UNC13C: variants seen among roughly 807,000 people sequenced by gnomAD.
UNC13C encodes protein unc-13 homolog C.
A neutral mutation model predicts 245.4 loss-of-function variants in UNC13C; 174 were observed. The ratio of observed to expected loss-of-function variants is 0.71; its 90% confidence interval spans 0.63 to 0.80. UNC13C has a LOEUF of 0.80. UNC13C is among the 30% of genes least tolerant of loss of function. The pLI is 0.00. For synonymous variants in UNC13C, 992 were observed against 895.1 expected, an observed-to-expected ratio of 1.11 and a Z score of -1.93; for missense variants, 2,829 against 2,602.9, an observed-to-expected ratio of 1.09 and a Z score of -1.89.
At chr15:54,416,681 C>T (rs1315856425) in intron 19 of UNC13C, among the ~76,000 whole-genome samples, 9 of 152,100 alleles carry the variant, frequency 5.9e-5, no homozygotes, top group East Asian at 1.9e-4. Context: ...GTTCACTACC[C>T]TAGGCCTATA....
intron 30 of UNC13C, among the ~76,000 whole-genome samples, chr15:54,595,471 G>T (rs1181902157): frequency 2.0e-5 from 3 of 152,108 alleles, no homozygotes; most frequent in Admixed American, 6.5e-5. Flanking sequence ...GGGGTCTGTG[G>T]TTCCTCTCAG....
intron 19 of UNC13C, among the ~76,000 whole-genome samples, chr15:54,457,451 G>T (rs1425597506): frequency 6.6e-6 from 1 of 152,052 alleles, no homozygotes; most frequent in Non-Finnish European, 1.5e-5. Context: ...GAGTGGGATT[G>T]GTACCCATTC....
At chr15:54,048,296 C>T (rs1468472328) in intron 2 of UNC13C, among the ~76,000 whole-genome samples, 3 of 152,182 alleles carry the variant, frequency 2.0e-5, no homozygotes, top group Non-Finnish European at 4.4e-5. Context: ...AGACCTTCTG[C>T]ATACTGCAAG....
intron 10 of UNC13C, among the ~76,000 whole-genome samples, chr15:54,273,110 T>A (rs1475797172): frequency 6.6e-6 from 1 of 152,156 alleles, no homozygotes; most frequent in African/African-American, 2.4e-5. Context: ...TCTGTCTCAG[T>A]CAGAGGAAAG....
At chr15:54,450,421 A>T (rs1215033296) in intron 19 of UNC13C, among the ~76,000 whole-genome samples, 2 of 152,208 alleles carry the variant, frequency 1.3e-5, no homozygotes, top group Non-Finnish European at 2.9e-5. Flanking sequence ...GGCTCCACCC[A>T]GTTCCAGCTT....
chr15:53,950,224 C>T, the UNC13C span, among the ~76,000 whole-genome samples: 1,730 of 152,178 alleles, frequency 0.011, 17 homozygotes, highest in Admixed American at 0.018. Context: ...TGGAACAAAC[C>T]TTATATTAAT....
At chr15:54,523,431 C>T (rs1895312083) in intron 24 of UNC13C, among the ~76,000 whole-genome samples, 1 of 152,200 alleles carries the variant, frequency 6.6e-6, no homozygotes, top group Admixed American at 6.5e-5. Flanking sequence ...GACATTCCGT[C>T]TGCACCTGCT....
At chr15:54,080,917 C>A (rs1463398436) in intron 2 of UNC13C, among the ~76,000 whole-genome samples, 2 of 145,614 alleles carry the variant, frequency 1.4e-5, no homozygotes, top group African/African-American at 2.5e-5. Context: ...AATTTGAGAA[C>A]TTTCTTTCTT....
the UNC13C span, among the ~76,000 whole-genome samples, chr15:53,877,405 G>A: frequency 6.6e-6 from 1 of 152,084 alleles, no homozygotes; most frequent in Non-Finnish European, 1.5e-5. Context: ...CCTAGTTCAG[G>A]GAGGTTTCTG....
At chr15:54,262,452 C>T (rs1417461715) in intron 8 of UNC13C, among the ~76,000 whole-genome samples, 1 of 152,166 alleles carries the variant, frequency 6.6e-6, no homozygotes, top group Non-Finnish European at 1.5e-5. Flanking sequence ...TGAATATTAA[C>T]TACTTGAATA....
At chr15:53,895,951 T>G in the UNC13C span, among the ~76,000 whole-genome samples, 5,450 of 148,320 alleles carry the variant, frequency 0.037, 340 homozygotes, top group African/African-American at 0.13. Flanking sequence ...GTCCAGTATA[T>G]TTTAACTTTA....
At chr15:54,482,352 C>T (rs564694573) in intron 19 of UNC13C, among the ~76,000 whole-genome samples, 13 of 152,226 alleles carry the variant, frequency 8.5e-5, no homozygotes, top group African/African-American at 2.6e-4. Flanking sequence ...CAGGACCCAG[C>T]GTGAACTCCT....
the UNC13C span, chr15:53,914,580 C>T: frequency 6.5e-6 from 1 of 152,846 alleles, no homozygotes; most frequent in East Asian, 1.9e-4. Flanking sequence ...GCAGGCCATA[C>T]AGCTGCAGGT....
chr15:54,134,558 C>CGG (rs1262309615), intron 2 of UNC13C, among the ~76,000 whole-genome samples: 1 of 151,998 alleles, frequency 6.6e-6, no homozygotes, highest in Non-Finnish European at 1.5e-5. Flanking sequence ...GTCTCGCTGT[C>CGG]TCCCAGACTG....
At chr15:54,245,964 A>G (rs1400853526) in intron 7 of UNC13C, among the ~76,000 whole-genome samples, 1 of 152,126 alleles carries the variant, frequency 6.6e-6, no homozygotes, top group Non-Finnish European at 1.5e-5. Flanking sequence ...GAAAAAGGAG[A>G]GAAACAATGT....
chr15:54,544,884 A>G (rs768646489), intron 26 of UNC13C, among the ~76,000 whole-genome samples: 1 of 152,224 alleles, frequency 6.6e-6, no homozygotes, highest in Non-Finnish European at 1.5e-5. Context: ...AAAGTAATTT[A>G]TCAATTCAAT....
intron 2 of UNC13C, among the ~76,000 whole-genome samples, chr15:54,068,979 A>C (rs1898196944): frequency 6.6e-6 from 1 of 152,184 alleles, no homozygotes; most frequent in African/African-American, 2.4e-5. Context: ...AAAGTTCATT[A>C]GACTTACTTT....
At chr15:54,280,741 T>C (rs1306096817) in intron 10 of UNC13C, among the ~76,000 whole-genome samples, 1 of 131,934 alleles carries the variant, frequency 7.6e-6, no homozygotes, top group African/African-American at 3.7e-5. Context: ...TATACATACA[T>C]ATATACATAT....
the UNC13C span, among the ~76,000 whole-genome samples, chr15:53,894,361 C>T: frequency 4.6e-4 from 70 of 152,304 alleles, no homozygotes; most frequent in South Asian, 0.014. Context: ...CAACTGTTTA[C>T]CTAAATATTC....
Sources: allele counts gnomAD v4.1 joint callset (sites outside exome capture counted in the v4.1 genomes callset), GRCh38; gene constraint gnomAD v4.1.1; transcripts MANE v1.5; gene names NCBI Gene and HGNC (gene_info 2026-07-23, HGNC 2026-07-21).